CCND3: variants seen among roughly 807,000 people sequenced by gnomAD.
CCND3 encodes the protein cyclin D3, also known as G1/S-specific cyclin-D3.
Under a neutral mutation model 28.7 loss-of-function variants are expected in CCND3, and 9 were observed. The ratio of observed to expected loss-of-function variants is 0.31; its 90% CI spans 0.19 to 0.55. The LOEUF (loss-of-function observed/expected upper bound fraction) is 0.55. CCND3 is among the 20% of genes least tolerant of loss of function. CCND3 has a pLI of 0.93. For missense variants in CCND3, 315 were observed against 385.8 expected, an observed-to-expected ratio of 0.82 and a Z score of 1.54; for synonymous variants, 164 against 163.9, an observed-to-expected ratio of 1.00 and a Z score of 0.00.
At chr6:42,006,604 CAAATTATTA>C (rs1448604747) in intron 1 of CCND3, among the ~76,000 whole-genome samples, 1 of 152,098 alleles carries the variant, frequency 6.6e-6, no homozygotes, top group Non-Finnish European at 1.5e-5. Context: ...TTCAAGTCCA[CAAATTATTA>C]AAATTAATTA....
chr6:41,980,036 A>ACACACACACACACACACACACACACAC (rs1554162936), intron 1 of CCND3, among the ~76,000 whole-genome samples: 3 of 151,256 alleles, frequency 2.0e-5, no homozygotes, highest in Non-Finnish European at 2.9e-5. Flanking sequence ...ACACACACAC[A>ACACACACACACACACACACACACACAC]ATCAAACCTT....
upstream of CCND3, among the ~76,000 whole-genome samples, chr6:42,049,140 A>G (rs2127444571): frequency 6.6e-6 from 1 of 152,188 alleles, no homozygotes; most frequent in Admixed American, 6.5e-5. Context: ...GATTCAAGCT[A>G]TTCTCCTGCC....
intron 1 of CCND3, among the ~76,000 whole-genome samples, chr6:42,037,543 A>AG (rs1157217275): frequency 1.3e-5 from 2 of 152,106 alleles, no homozygotes; most frequent in Non-Finnish European, 2.9e-5. Flanking sequence ...CCAAAAAAAA[A>AG]TTACAATGCT....
At chr6:41,971,943 C>T (rs921805524) in intron 1 of CCND3, among the ~76,000 whole-genome samples, 3 of 150,206 alleles carry the variant, frequency 2.0e-5, no homozygotes, top group Non-Finnish European at 4.4e-5. Context: ...GAGATACTTC[C>T]GGCCGGGCGC....
chr6:42,001,976 G>A (rs554318468), intron 1 of CCND3, among the ~76,000 whole-genome samples: 7 of 151,518 alleles, frequency 4.6e-5, no homozygotes, highest in Admixed American at 2.0e-4. Flanking sequence ...TTAACCAGTC[G>A]TGGTGGTGCA....
chr6:42,012,992 C>A (rs778921378), intron 1 of CCND3, among the ~76,000 whole-genome samples: 1 of 152,152 alleles, frequency 6.6e-6, no homozygotes, highest in Non-Finnish European at 1.5e-5. Flanking sequence ...CTTCCTGGAG[C>A]CTCTACCCAC....
At chr6:41,987,111 T>A (rs964077753) in intron 1 of CCND3, among the ~76,000 whole-genome samples, 2 of 152,034 alleles carry the variant, frequency 1.3e-5, no homozygotes, top group Non-Finnish European at 1.5e-5. Context: ...ATTAATTAAC[T>A]CTGGATTAAT....
rs752366531 is a variant in CCND3 at position 41,936,144 on chromosome 6, C to T, written c.712-37G>A. On this transcript the variant is annotated intron_variant, in intron 4 of 4. Transcript: ENST00000372991. This position sits in a 1 kb window ranked among gnomAD's most constrained non-coding sequence, Gnocchi z 4.4. Reference sequence around the variant, plus strand: ...GGAGAAGAGTGAGGAGCAAACACTCCCCCCATAGCATCTGGCAGCAGGTGC... The same window carrying T: ...GGAGAAGAGTGAGGAGCAAACACTCTCCCCATAGCATCTGGCAGCAGGTGC... The T allele has an allele frequency of 2.0e-6, 3 of 1,531,176 alleles. No individual in the cohort carries two copies. Among genetic ancestry groups the T allele is most frequent in the Admixed American group, 4.1e-5 (2 of 48,540 alleles). 94.8% of individuals were successfully genotyped at this position (1,531,176 alleles called of 1,614,324 possible).
At position 42,048,241 on chromosome 6, in the gene CCND3, G is replaced by A; in HGVS notation, c.-46+260C>T. The stretch of plus-strand genomic sequence containing the variant: ...AAGACCAACAGCCCGGTAAAGCCAC[G>A]GGGCTTCCAGATCAGCTGGAGGGGG... On this transcript the variant is annotated intron_variant, in intron 1 of 4. Coordinates refer to the CCND3 transcript ENST00000372988. The surrounding 1 kb of genome is among the most constrained non-coding windows in gnomAD (Gnocchi z 4.7). 3 of 229,402 alleles carry A rather than the reference G, an allele frequency of 1.3e-5. No homozygotes were observed. Among genetic ancestry groups the A allele is most frequent in the South Asian group, 1.3e-4 (3 of 23,138 alleles). 14.2% of individuals were successfully genotyped at this position (229,402 alleles called of 1,614,324 possible). A position where few individuals can be genotyped will look rare whatever the true frequency, so the allele number is the denominator to read the frequency against.
chr6:42,027,297 A>G (rs1341955189), intron 1 of CCND3, among the ~76,000 whole-genome samples: 17 of 152,142 alleles, frequency 1.1e-4, no homozygotes, highest in Admixed American at 2.0e-4. Context: ...AAAATTAGGC[A>G]GGCTTGGTGG....
intron 2 of CCND3, 41 bp downstream of exon 2, chr6:41,940,329 G>A (rs756405823): frequency 2.2e-5 from 33 of 1,517,286 alleles, no homozygotes; most frequent in Middle Eastern, 3.4e-4. Context: ...GGAAAGTGGG[G>A]AGACAATACG....
At chr6:41,960,946 G>C (rs7773255) in intron 1 of CCND3, among the ~76,000 whole-genome samples, 1 of 152,058 alleles carries the variant, frequency 6.6e-6, no homozygotes, top group Non-Finnish European at 1.5e-5. Context: ...AGAATAATGG[G>C]GGAGAACTCA....
chr6:41,984,513 A>AT (rs1286290565), intron 1 of CCND3, among the ~76,000 whole-genome samples: 3 of 151,938 alleles, frequency 2.0e-5, no homozygotes, highest in Non-Finnish European at 4.4e-5. Context: ...CACCCGGCTA[A>AT]TTTTTTGTAT....
intron 2 of CCND3, among the ~76,000 whole-genome samples, chr6:41,937,984 C>A (rs1775863914): frequency 1.3e-5 from 2 of 152,152 alleles, no homozygotes; most frequent in African/African-American, 4.8e-5. Context: ...AAGCCACATC[C>A]CCTTGGTAGG....
chr6:41,987,507 CTCTCTCTCTCTGTGTG>C (rs1315415771), intron 1 of CCND3, among the ~76,000 whole-genome samples: 4,252 of 62,702 alleles, frequency 0.068, 72 homozygotes, highest in African/African-American at 0.11. Flanking sequence ...CTCTCTCTCT[CTCTCTCTCTCTGTGTG>C]TGTGTGTGTG....
At chr6:41,962,351 C>T (rs893313418) in intron 1 of CCND3, among the ~76,000 whole-genome samples, 5 of 151,982 alleles carry the variant, frequency 3.3e-5, no homozygotes, top group East Asian at 1.9e-4. Context: ...CCACCTGCCT[C>T]GGCCTCGCAA....
upstream of CCND3, among the ~76,000 whole-genome samples, chr6:41,945,665 G>A (rs962619944): frequency 6.6e-6 from 1 of 152,178 alleles, no homozygotes; most frequent in African/African-American, 2.4e-5. Context: ...CTGAGAACAG[G>A]GGTGCTAAAC....
At chr6:42,008,101 C>T (rs1349750011) in intron 1 of CCND3, among the ~76,000 whole-genome samples, 1 of 152,092 alleles carries the variant, frequency 6.6e-6, no homozygotes, top group Admixed American at 6.6e-5. Context: ...TATCTCTTGG[C>T]TAGGCGCGGT....
At chr6:41,996,136 ATAT>A (rs1350981290) in intron 1 of CCND3, among the ~76,000 whole-genome samples, 7 of 11,272 alleles carry the variant, frequency 6.2e-4, no homozygotes, top group East Asian at 2.0e-3. Flanking sequence ...ATATATATAT[ATAT>A]TTTTTTTGTT....
Sources: gnomAD v4.1 joint callset for allele counts (sites outside exome capture counted in the v4.1 genomes callset) on GRCh38, gnomAD v4.1.1 for gene constraint, Gnocchi (gnomAD v3.1) non-coding constraint, MANE v1.5 for transcripts, NCBI Gene and HGNC (gene_info 2026-07-23, HGNC 2026-07-21) for gene names.